The following ORC4 variants were observed in gnomAD, a reference collection of about 807,000 sequenced individuals.
ORC4 encodes the protein origin recognition complex subunit 4.
Under a neutral mutation model 63.9 loss-of-function variants are expected in ORC4, and 55 were observed. The observed-to-expected ratio is 0.86, with a 90% CI of 0.69 to 1.08. The LOEUF (loss-of-function observed/expected upper bound fraction) is 1.08, where lower values mean the gene tolerates loss of function less well. Ranked by LOEUF, ORC4 falls within the 50% of genes least tolerant of loss-of-function variation. ORC4 has a pLI of 0.00. For synonymous variants in ORC4, 150 were observed against 168.5 expected, an observed-to-expected ratio of 0.89 and a Z score of 0.85; for missense variants, 511 against 504.4, an observed-to-expected ratio of 1.01 and a Z score of -0.13.
At chr2:147,979,313 A>G (rs1232873945) in intron 1 of ORC4, among the ~76,000 whole-genome samples, 3 of 152,160 alleles carry the variant, frequency 2.0e-5, no homozygotes, top group African/African-American at 7.2e-5. Context: ...CACACTAATA[A>G]CTATTTGATA....
intron 1 of ORC4, among the ~76,000 whole-genome samples, chr2:148,005,690 T>G (rs901478799): frequency 8.2e-6 from 1 of 122,482 alleles, no homozygotes; most frequent in African/African-American, 3.1e-5. Flanking sequence ...ACAACCTTCA[T>G]AAGAATCAGC....
At position 147,933,458 on chromosome 2, in the gene ORC4, T is replaced by C. The variant is rs1291922171; in HGVS notation, c.*2052A>G. ...CATTTGTGTAACTTTTCCTAATGTA[T>C]TTTTTTTTAATTTGCTTTATAACGG... On this transcript the variant is annotated 3_prime_UTR_variant, in exon 14 of 14. Transcript: ENST00000392857. 1 of 151,142 alleles carries C rather than the reference T, an allele frequency of 6.6e-6. No individual in the cohort carries two copies. Among genetic ancestry groups the C allele is most frequent in the Non-Finnish European group, 1.5e-5 (1 of 67,764 alleles). The allele number at this position is 151,142 out of a possible 1,614,324, so 9.4% of individuals were successfully genotyped here. A position where few individuals can be genotyped will look rare whatever the true frequency, so the allele number is the denominator to read the frequency against.
intron 1 of ORC4, among the ~76,000 whole-genome samples, chr2:148,013,060 A>G (rs956944839): frequency 1.3e-5 from 2 of 152,194 alleles, no homozygotes; most frequent in Admixed American, 6.5e-5. Flanking sequence ...AAATAGAACT[A>G]TAATCCAGCA....
intron 8 of ORC4, chr2:147,951,676 C>T (rs1287202224): frequency 1.3e-5 from 2 of 152,066 alleles, no homozygotes; most frequent in Admixed American, 6.6e-5. Flanking sequence ...TAAAAATTAC[C>T]AAGTCTCAGG....
At chr2:147,969,740 T>C (rs1243122493) in intron 4 of ORC4, among the ~76,000 whole-genome samples, 1 of 151,956 alleles carries the variant, frequency 6.6e-6, no homozygotes, top group Non-Finnish European at 1.5e-5. Flanking sequence ...AATGAAAGAA[T>C]ATTCAAAAAT....
At chr2:148,017,744 C>T (rs1173147803) in intron 1 of ORC4, among the ~76,000 whole-genome samples, 4 of 152,128 alleles carry the variant, frequency 2.6e-5, no homozygotes, top group Non-Finnish European at 4.4e-5. Flanking sequence ...GTTTATGTAT[C>T]CGAGTTGTTC....
intron 4 of ORC4, among the ~76,000 whole-genome samples, chr2:147,961,363 C>T (rs1009761121): frequency 4.0e-5 from 6 of 150,296 alleles, no homozygotes; most frequent in Non-Finnish European, 8.9e-5. Flanking sequence ...CTTGAGCCCG[C>T]GAGGCAGAGG....
intron 9 of ORC4, among the ~76,000 whole-genome samples, chr2:147,946,083 G>A (rs145740894): frequency 6.6e-4 from 100 of 152,200 alleles, no homozygotes; most frequent in African/African-American, 2.1e-3. Flanking sequence ...AGTCCAGAAA[G>A]TAGATTAGTT....
chr2:148,006,234 G>C (rs1388232728), intron 1 of ORC4, among the ~76,000 whole-genome samples: 3 of 152,106 alleles, frequency 2.0e-5, no homozygotes, highest in Non-Finnish European at 2.9e-5. Context: ...TGTAACAGCA[G>C]AACACAACAC....
intron 1 of ORC4, among the ~76,000 whole-genome samples, chr2:147,984,787 A>G (rs1691096967): frequency 6.6e-6 from 1 of 152,354 alleles, no homozygotes; most frequent in Non-Finnish European, 1.5e-5. Context: ...TTTACAAAGG[A>G]AGGGATGAAT....
chr2:147,980,269 T>TC (rs1690801121), intron 1 of ORC4, among the ~76,000 whole-genome samples: 3 of 152,052 alleles, frequency 2.0e-5, no homozygotes, highest in African/African-American at 7.2e-5. Flanking sequence ...TTAAAAACAA[T>TC]ACATTATAAT....
chr2:147,969,493 T>A (rs1196338883), intron 4 of ORC4, among the ~76,000 whole-genome samples: 1 of 152,036 alleles, frequency 6.6e-6, no homozygotes, highest in East Asian at 1.9e-4. Flanking sequence ...TGTTTTGAGC[T>A]ATTTAAGCCA....
chr2:147,942,158 C>T (rs2105267914), intron 10 of ORC4, among the ~76,000 whole-genome samples: 1 of 152,184 alleles, frequency 6.6e-6, no homozygotes, highest in Middle Eastern at 3.4e-3. Context: ...CTAGCATCAA[C>T]AGTACTTGGC....
At chr2:147,937,000 C>T (rs998858832) in intron 13 of ORC4, 9 of 130,126 alleles carry the variant, frequency 6.9e-5, no homozygotes, top group African/African-American at 2.7e-4. Context: ...CCAGCGTAGG[C>T]GACAGGAGAC....
At chr2:147,987,689 C>T (rs1020451158) in intron 1 of ORC4, among the ~76,000 whole-genome samples, 4 of 152,152 alleles carry the variant, frequency 2.6e-5, no homozygotes, top group East Asian at 1.9e-4. Flanking sequence ...GAGGTAACAA[C>T]AAACAATTTT....
intron 11 of ORC4, 100 bp from the exon 12 acceptor site, chr2:147,938,493 AG>A (rs1688185636): frequency 3.9e-6 from 3 of 760,446 alleles, no homozygotes; most frequent in Non-Finnish European, 7.0e-6. Flanking sequence ...TATGGTTCTG[AG>A]GGGTGAAGAA....
At chr2:147,947,033 AATC>A (rs1407914754) in intron 9 of ORC4, among the ~76,000 whole-genome samples, 2 of 152,040 alleles carry the variant, frequency 1.3e-5, no homozygotes, top group Non-Finnish European at 2.9e-5. Flanking sequence ...ATCAAACAAT[AATC>A]ATTTAAAGAA....
At chr2:148,014,687 G>A (rs897380794) in intron 1 of ORC4, among the ~76,000 whole-genome samples, 1 of 151,852 alleles carries the variant, frequency 6.6e-6, no homozygotes, top group South Asian at 2.1e-4. Flanking sequence ...TTAAAAACAC[G>A]ACTATAAAAA....
intron 6 of ORC4, among the ~76,000 whole-genome samples, chr2:147,957,248 A>AT (rs1689312694): frequency 6.8e-6 from 1 of 147,364 alleles, no homozygotes; most frequent in Non-Finnish European, 1.5e-5. Flanking sequence ...ATAATTAATA[A>AT]TTTTATAGAG....
Sources: gnomAD v4.1 joint callset for allele counts (sites outside exome capture counted in the v4.1 genomes callset) on GRCh38, gnomAD v4.1.1 for gene constraint, MANE v1.5 for transcripts, NCBI Gene and HGNC (gene_info 2026-07-23, HGNC 2026-07-21) for gene names.